The following ZNF608 variants were observed in gnomAD, a reference collection of about 807,000 sequenced individuals.
The protein encoded by ZNF608 is renal carcinoma antigen NY-REN-36.
A neutral mutation model predicts 109.0 loss-of-function variants in ZNF608; 12 were observed. The ratio of observed to expected loss-of-function variants is 0.11; its 90% CI spans 0.07 to 0.18. The LOEUF (loss-of-function observed/expected upper bound fraction) is 0.18, where lower values mean the gene tolerates loss of function less well. Ranked by LOEUF, ZNF608 falls within the 10% of genes least tolerant of loss-of-function variation. ZNF608 has a pLI of 1.00. For synonymous variants in ZNF608, 732 were observed against 717.4 expected, an observed-to-expected ratio of 1.02 and a Z score of -0.33; for missense variants, 1,707 against 1,879.3, an observed-to-expected ratio of 0.91 and a Z score of 1.70.
chr5:124,642,126 T>C (rs914776522), intron 7 of ZNF608, among the ~76,000 whole-genome samples: 2 of 152,240 alleles, frequency 1.3e-5, no homozygotes, highest in Admixed American at 6.5e-5. Context: ...GGTTTCTCTA[T>C]AGAGTTTCTG....
At chr5:124,702,097 CAA>C (rs1041054073) in intron 2 of ZNF608, among the ~76,000 whole-genome samples, 10 of 152,232 alleles carry the variant, frequency 6.6e-5, no homozygotes, top group Admixed American at 6.5e-4. Flanking sequence ...AGGAGAGCAG[CAA>C]AAGAGTTCTT....
intron 3 of ZNF608, among the ~76,000 whole-genome samples, chr5:124,686,020 T>C (rs1341442801): frequency 6.6e-6 from 1 of 152,234 alleles, no homozygotes; most frequent in Non-Finnish European, 1.5e-5. Context: ...TAAGGAGGAC[T>C]GGTATGGCTG....
chr5:124,677,714 C>T (rs1752009466), intron 3 of ZNF608, among the ~76,000 whole-genome samples: 1 of 152,032 alleles, frequency 6.6e-6, no homozygotes, highest in Admixed American at 6.6e-5. Flanking sequence ...CAATAGGGCT[C>T]CTAAAAACCA....
At chr5:124,689,528 CA>C (rs1752533273) in intron 3 of ZNF608, among the ~76,000 whole-genome samples, 1 of 149,138 alleles carries the variant, frequency 6.7e-6, no homozygotes, top group Admixed American at 6.7e-5. Context: ...CCAAAATATT[CA>C]AAGACCTTTT....
At chr5:124,639,436 A>G (rs1044516704) in intron 8 of ZNF608, among the ~76,000 whole-genome samples, 1 of 152,216 alleles carries the variant, frequency 6.6e-6, no homozygotes, top group Admixed American at 6.5e-5. Flanking sequence ...TATTCGAAGG[A>G]GATACAGCAT....
intron 3 of ZNF608, among the ~76,000 whole-genome samples, chr5:124,662,160 T>A (rs1373968561): frequency 6.6e-6 from 1 of 152,258 alleles, no homozygotes; most frequent in Non-Finnish European, 1.5e-5. Context: ...TACTTCATGA[T>A]GACTTAAATT....
rs923433495 is a variant in ZNF608 at position 124,647,841 on chromosome 5, T to C, written c.2543A>G (p.Asp848Gly). 1 of 1,614,110 alleles carries C rather than the reference T, an allele frequency of 6.2e-7. No homozygotes were observed. The highest frequency in any genetic ancestry group is 1.3e-5 in the African/African-American group (1 of 74,928). Reference protein sequence around the residue: ...KLEDSKGASKDLPGHFLKDHL... With the variant: ...KLEDSKGASKGLPGHFLKDHL... ...ATCCTTTAAAAAATGCCCAGGTAAATCTTTGCTGGCCCCCTTGGAGTCCTC... is the reference window on the plus strand; with the variant it reads ...ATCCTTTAAAAAATGCCCAGGTAAACCTTTGCTGGCCCCCTTGGAGTCCTC... The change falls in exon 5 of 10, where the codon GAT becomes GGT. Residue 848 changes from aspartate to glycine, a missense_variant. Coordinates refer to ENST00000513986, the MANE Select transcript of ZNF608 (RefSeq NM_020747.3).
Position 124,648,271 on chromosome 5 carries a change from A to T in ZNF608, c.2113T>A (p.Leu705Ile). The T allele has an allele frequency of 6.2e-7, 1 of 1,614,080 alleles. No individual in the cohort carries two copies. The highest frequency in any genetic ancestry group is 8.5e-7 in the Non-Finnish European group (1 of 1,180,012). ...TCTCCTAAATTTTTCTTGTCAATTA[A>T]TCCTTCTGCTTCCAGTTTAGGCATC... ...AEMPKLEAEG[L>I]IDKKNLGDKE... The change falls in exon 5 of 10, where the codon TTA becomes ATA. Residue 705 changes from leucine (L) to isoleucine (I), a missense_variant. Leu to Ile is a conservative substitution (Grantham distance 5, BLOSUM62 2). This residue lies in a region of ZNF608 where 1,073 missense variants were observed against 1,133.5 expected (regional missense o/e 0.95). Coordinates refer to ENST00000513986, the MANE Select transcript of ZNF608 (RefSeq NM_020747.3).
At chr5:124,740,217 A>G (rs1749327333) in intron 2 of ZNF608, among the ~76,000 whole-genome samples, 1 of 152,182 alleles carries the variant, frequency 6.6e-6, no homozygotes, top group African/African-American at 2.4e-5. Context: ...CTGATTACAC[A>G]AATACCTAAG....
intron 2 of ZNF608, among the ~76,000 whole-genome samples, chr5:124,702,223 T>A (rs1277095733): frequency 1.3e-5 from 2 of 152,204 alleles, no homozygotes; most frequent in African/African-American, 2.4e-5. Flanking sequence ...ACAGATAGCT[T>A]TGACCCTGAT....
Position 124,649,628 on chromosome 5 carries a change from T to C in ZNF608, c.1232A>G (p.His411Arg). 2 of 1,612,302 alleles carry C rather than the reference T, an allele frequency of 1.2e-6. No individual in the cohort carries two copies. The highest frequency in any genetic ancestry group is 1.7e-6 in the Non-Finnish European group (2 of 1,179,110). Residue 411 changes from histidine to arginine, a missense_variant, in exon 4 of 10, where the codon CAC becomes CGC. Transcript: ENST00000513986. ...TTCATACCTGGGAGGGGCCCAGTCG[T>C]GCTTGGTGCAGTCCAGTAGGGTTCC... is the stretch of plus-strand genomic sequence containing the variant. ...YVGTLLDCTK[H>R]DWAPPRFCES...
At chr5:124,703,263 G>C (rs538313365) in intron 2 of ZNF608, among the ~76,000 whole-genome samples, 1 of 152,304 alleles carries the variant, frequency 6.6e-6, no homozygotes, top group East Asian at 1.9e-4. Flanking sequence ...AACGTAGCTT[G>C]AATAGGATGC....
chr5:124,721,475 C>T (rs1470424471), intron 2 of ZNF608, among the ~76,000 whole-genome samples: 1 of 152,112 alleles, frequency 6.6e-6, no homozygotes, highest in African/African-American at 2.4e-5. Context: ...GCTCACACAC[C>T]ACAGAACAAA....
intron 3 of ZNF608, among the ~76,000 whole-genome samples, chr5:124,658,269 T>A (rs1561541956): frequency 6.6e-6 from 1 of 152,134 alleles, no homozygotes; most frequent in African/African-American, 2.4e-5. Flanking sequence ...CTGTGGTCCC[T>A]CAGCGCTCAG....
At chr5:124,682,891 A>C (rs1437606274) in intron 3 of ZNF608, among the ~76,000 whole-genome samples, 1 of 152,200 alleles carries the variant, frequency 6.6e-6, no homozygotes, top group Non-Finnish European at 1.5e-5. Context: ...CTTGGCATTC[A>C]CACTCTTGTG....
At chr5:124,659,322 C>T (rs1394466723) in intron 3 of ZNF608, among the ~76,000 whole-genome samples, 1 of 152,104 alleles carries the variant, frequency 6.6e-6, no homozygotes, top group Non-Finnish European at 1.5e-5. Flanking sequence ...TACTCTAGGA[C>T]TAAAAGGGCG....
At chr5:124,660,990 G>T (rs1271739944) in intron 3 of ZNF608, among the ~76,000 whole-genome samples, 1 of 152,068 alleles carries the variant, frequency 6.6e-6, no homozygotes, top group African/African-American at 2.4e-5. Flanking sequence ...CTATAAATGT[G>T]GCCTATCTTT....
intron 3 of ZNF608, among the ~76,000 whole-genome samples, chr5:124,673,710 G>C (rs1751823946): frequency 6.6e-6 from 1 of 152,150 alleles, no homozygotes; most frequent in South Asian, 2.1e-4. Context: ...AGAAAATGGA[G>C]TAGGGGAGAG....
intron 3 of ZNF608, among the ~76,000 whole-genome samples, chr5:124,685,633 C>A (rs1413424904): frequency 6.4e-5 from 9 of 141,192 alleles, no homozygotes; most frequent in South Asian, 2.2e-4. Context: ...AAAAAAAAAA[C>A]AACAACAGCA....
Sources: gnomAD v4.1 joint callset for allele counts (sites outside exome capture counted in the v4.1 genomes callset) on GRCh38, gnomAD v4.1.1 for gene constraint, gnomAD v4.1.1 regional missense constraint, MANE v1.5 for transcripts, NCBI Gene and HGNC (gene_info 2026-07-23, HGNC 2026-07-21) for gene names.